Variants in APP observed in about 807,000 individuals in gnomAD.
APP encodes amyloid-beta precursor protein.
APP carries 31 observed loss-of-function variants against 101.4 expected under a neutral mutation model. That is an observed-to-expected ratio of 0.31 (90% CI 0.23 to 0.41). The LOEUF is 0.41. Ranked by LOEUF, APP falls within the 10% of genes least tolerant of loss-of-function variation. The pLI, the probability that APP is intolerant of heterozygous loss-of-function variation, is 1.00. For missense variants in APP, 839 were observed against 1,003.7 expected (o/e 0.84, Z 2.22); for synonymous variants, 366 against 364.4 (o/e 1.00, Z -0.05).
intron 1 of APP, among the ~76,000 whole-genome samples, chr21:26,117,068 G>C (rs1224419277): frequency 6.6e-6 from 1 of 152,134 alleles, no homozygotes; most frequent in Non-Finnish European, 1.5e-5. Context: ...ATTTTTAGTA[G>C]AGACAGGGTT....
chr21:26,003,825 C>T (rs1042772638), intron 6 of APP, among the ~76,000 whole-genome samples: 1 of 152,184 alleles, frequency 6.6e-6, no homozygotes, highest in African/African-American at 2.4e-5. Flanking sequence ...CAACACTTTC[C>T]CTCAGGGAAA....
chr21:25,887,998 C>G (rs577266760), intron 17 of APP, among the ~76,000 whole-genome samples: 1 of 152,010 alleles, frequency 6.6e-6, no homozygotes, highest in South Asian at 2.1e-4. Flanking sequence ...TCTCTGTGAT[C>G]TTCTGCGGGC....
At chr21:25,955,820 A>T (rs2146493861) in intron 11 of APP, 65 bp from the exon 12 acceptor site, 1 of 1,610,856 alleles carries the variant, frequency 6.2e-7, no homozygotes, top group Non-Finnish European at 8.5e-7. Context: ...TCCATTGGCG[A>T]TGGGTTAGAG....
chr21:25,936,453 GA>G (rs1419923329), intron 13 of APP, among the ~76,000 whole-genome samples: 1 of 152,214 alleles, frequency 6.6e-6, no homozygotes, highest in African/African-American at 2.4e-5. Flanking sequence ...TGAGGCACGA[GA>G]ATCGCTTGAA....
At position 26,112,071 on chromosome 21, in the gene APP, T is replaced by G. The variant is rs771509390; in HGVS notation, c.133A>C (p.Met45Leu). Residue 45 changes from methionine to leucine, a missense_variant, in exon 2 of 18, where the codon ATG becomes CTG. Physicochemically the swap from Met to Leu is conservative, Grantham distance 15. Transcript: ENST00000346798. ...AMFCGRLNMH[M>L]NVQNGKWDSD... ...TCCCACTTCCCATTCTGGACATTCATGTGCATGTTCAGTCTGCCACAGAAC... is the reference window on the plus strand; with the variant it reads ...TCCCACTTCCCATTCTGGACATTCAGGTGCATGTTCAGTCTGCCACAGAAC... 16 of 1,614,022 alleles carry G rather than the reference T, an allele frequency of 9.9e-6. No individual in the cohort carries two copies. Among genetic ancestry groups the G allele is most frequent in the African/African-American group, 2.7e-5 (2 of 74,914 alleles).
At chr21:25,892,454 GA>G (rs1185619002) in intron 16 of APP, among the ~76,000 whole-genome samples, 9 of 136,098 alleles carry the variant, frequency 6.6e-5, no homozygotes. Flanking sequence ...TAGAAAAAAA[GA>G]TATCTTGTTA....
At chr21:25,984,916 T>C (rs759189297) in intron 8 of APP, among the ~76,000 whole-genome samples, 1 of 152,176 alleles carries the variant, frequency 6.6e-6, no homozygotes, top group African/African-American at 2.4e-5. Flanking sequence ...GCTGTAACTG[T>C]TATAACCATA....
chr21:25,975,918 A>C (rs1350472888), intron 10 of APP, 36 bp downstream of exon 10: 1 of 1,543,956 alleles, frequency 6.5e-7, no homozygotes, highest in African/African-American at 1.4e-5. Context: ...GACTGCTGGC[A>C]TGTGATGTTT....
At chr21:26,037,475 CAATTTTTAAAAATAAA>C (rs1468410306) in intron 5 of APP, among the ~76,000 whole-genome samples, 2 of 152,074 alleles carry the variant, frequency 1.3e-5, no homozygotes, top group Admixed American at 1.3e-4. Context: ...TATTACATGT[CAATTTTTAAAAATAAA>C]AATTTTTAAA....
chr21:26,066,064 A>C (rs564810336), intron 3 of APP, among the ~76,000 whole-genome samples: 260 of 152,246 alleles, frequency 1.7e-3, no homozygotes, highest in Non-Finnish European at 3.0e-3. Context: ...TGGCTCATGG[A>C]TCACACTTTG....
intron 2 of APP, among the ~76,000 whole-genome samples, chr21:26,107,731 C>T (rs1002385825): frequency 3.9e-5 from 6 of 152,036 alleles, no homozygotes; most frequent in African/African-American, 1.4e-4. Flanking sequence ...CCTTTGTGAC[C>T]CTTTGTGAAT....
intron 1 of APP, chr21:26,140,256 C>T: frequency 6.5e-7 from 1 of 1,535,974 alleles, no homozygotes; most frequent in Non-Finnish European, 8.7e-7. Context: ...GTGGAATACT[C>T]CCTGAGATCA....
In APP at chr21:26,153,085, C is replaced by T. The variant is rs118086959; in HGVS notation, c.57+17479G>A. On this transcript the variant is annotated intron_variant, in intron 1 of 17. Coordinates refer to ENST00000346798, the MANE Select transcript of APP (RefSeq NM_000484.4). Reference sequence around the variant, plus strand: ...GTATGTTCTCTCTTATAAGTGGGAACTAAGTTAGGAATAAGCAAAGGCACA... The same window carrying T: ...GTATGTTCTCTCTTATAAGTGGGAATTAAGTTAGGAATAAGCAAAGGCACA... Among the ~76,000 whole-genome samples, 8 of 152,204 alleles carry T rather than the reference C, an allele frequency of 5.3e-5. No homozygotes were observed. The East Asian group carries it at 1.5e-3, about 29-fold the overall frequency.
At chr21:25,973,174 A>G (rs73163716) in intron 11 of APP, among the ~76,000 whole-genome samples, 35,784 of 151,772 alleles carry the variant, frequency 0.24, 5,366 homozygotes, top group Non-Finnish European at 0.34. Flanking sequence ...CAAAAAAAAA[A>G]GAGGAAAAAA....
chr21:26,010,712 T>C (rs1179387559), intron 6 of APP, among the ~76,000 whole-genome samples: 1 of 145,428 alleles, frequency 6.9e-6, no homozygotes, highest in Non-Finnish European at 1.5e-5. Context: ...TCCCAGCTAC[T>C]TGGGAGGCTG....
chr21:25,884,441 TCTC>T (rs1253921281), intron 17 of APP, among the ~76,000 whole-genome samples: 1 of 152,200 alleles, frequency 6.6e-6, no homozygotes, highest in Admixed American at 6.5e-5. Flanking sequence ...TTCCTTATCC[TCTC>T]CTCTTTCCTT....
At chr21:25,992,376 A>C (rs1033502884) in intron 8 of APP, among the ~76,000 whole-genome samples, 1 of 143,322 alleles carries the variant, frequency 7.0e-6, no homozygotes, top group Non-Finnish European at 1.5e-5. Context: ...CAACAGAGCG[A>C]GACTCCATCT....
chr21:25,930,479 G>A lies in APP; in HGVS notation c.1688-18517C>T, dbSNP rs1200796017. Among the ~76,000 whole-genome samples the A allele has an allele frequency of 3.3e-5, 5 of 152,174 alleles. No homozygotes were observed. In the East Asian group the frequency reaches 9.6e-4, roughly 29 times the overall value. On this transcript the variant is annotated intron_variant, in intron 13 of 17. Transcript: ENST00000346798. Reference sequence around the variant, plus strand: ...TAGCAAGTCTGATGAGCTCATGGTAGAAAGGATGATTTTCAACATCCATAC... The same window carrying A: ...TAGCAAGTCTGATGAGCTCATGGTAAAAAGGATGATTTTCAACATCCATAC...
chr21:26,018,025 T>C (rs1381345143), intron 6 of APP, among the ~76,000 whole-genome samples: 1 of 152,218 alleles, frequency 6.6e-6, no homozygotes, highest in Admixed American at 6.5e-5. Flanking sequence ...TTTTAAACAA[T>C]AATTTTATTC....
Sources: gnomAD v4.1 joint callset for allele counts (sites outside exome capture counted in the v4.1 genomes callset) on GRCh38, gnomAD v4.1.1 for gene constraint, MANE v1.5 for transcripts, NCBI Gene and HGNC (gene_info 2026-07-23, HGNC 2026-07-21) for gene names.